AGBL4: variants seen among roughly 807,000 people sequenced by gnomAD.
The protein encoded by AGBL4 is cytosolic carboxypeptidase 6.
AGBL4 carries 58 observed loss-of-function variants against 66.4 expected under a neutral mutation model. That is an observed-to-expected ratio of 0.87 (90% CI 0.71 to 1.09). The LOEUF is 1.09. Among genes scored for constraint, AGBL4 ranks in the 50% least tolerant of loss-of-function variants. AGBL4 has a pLI of 0.00. For missense variants in AGBL4, 579 were observed against 631.0 expected, an observed-to-expected ratio of 0.92 and a Z score of 0.88; for synonymous variants, 234 against 222.9, an observed-to-expected ratio of 1.05 and a Z score of -0.44.
chr1:49,644,895 A>T (rs929276160), intron 3 of AGBL4, among the ~76,000 whole-genome samples: 1 of 151,534 alleles, frequency 6.6e-6, no homozygotes, highest in Non-Finnish European at 1.5e-5. Flanking sequence ...TCAATATAGG[A>T]TTTACATCAA....
chr1:49,921,261 A>C (rs557857253), intron 1 of AGBL4, among the ~76,000 whole-genome samples: 7 of 152,100 alleles, frequency 4.6e-5, no homozygotes, highest in Non-Finnish European at 1.0e-4. Context: ...AGAAAAAAAA[A>C]CAAACAAACA....
At chr1:48,866,251 C>A (rs900626899) in intron 6 of AGBL4, among the ~76,000 whole-genome samples, 1 of 152,124 alleles carries the variant, frequency 6.6e-6, no homozygotes, top group Non-Finnish European at 1.5e-5. Flanking sequence ...GAGGGAAGGG[C>A]TGACAGAGTT....
At chr1:49,604,109 G>A (rs1288805497) in intron 3 of AGBL4, among the ~76,000 whole-genome samples, 1 of 152,046 alleles carries the variant, frequency 6.6e-6, no homozygotes, top group East Asian at 1.9e-4. Flanking sequence ...GGAATTTCTG[G>A]ATCAAATGGT....
At chr1:49,501,849 T>G (rs1291158854) in intron 3 of AGBL4, among the ~76,000 whole-genome samples, 1 of 152,132 alleles carries the variant, frequency 6.6e-6, no homozygotes, top group Non-Finnish European at 1.5e-5. Context: ...ATGTCTCTTT[T>G]AATTTCTTTA....
intron 5 of AGBL4, among the ~76,000 whole-genome samples, chr1:48,968,795 C>T (rs1658661191): frequency 6.6e-6 from 1 of 152,136 alleles, no homozygotes; most frequent in African/African-American, 2.4e-5. Context: ...AAGCTTGCAA[C>T]ACCATCTTCC....
At chr1:49,380,045 A>G (rs1273401227) in intron 3 of AGBL4, among the ~76,000 whole-genome samples, 2 of 152,146 alleles carry the variant, frequency 1.3e-5, no homozygotes, top group East Asian at 3.9e-4. Context: ...CAATTAGGAA[A>G]AGAGGAAGTC....
chr1:48,756,116 G>A (rs1263447041), intron 6 of AGBL4, among the ~76,000 whole-genome samples: 2 of 152,274 alleles, frequency 1.3e-5, no homozygotes, highest in South Asian at 4.1e-4. Flanking sequence ...GTGTCACAAG[G>A]CTGTAATATT....
chr1:48,992,397 G>C (rs74657991), intron 5 of AGBL4, among the ~76,000 whole-genome samples: 2,393 of 152,068 alleles, frequency 0.016, 66 homozygotes, highest in African/African-American at 0.055. Context: ...TATCCCTGTG[G>C]CCACCACCAC....
At chr1:49,282,428 T>C (rs1644295216) in intron 3 of AGBL4, among the ~76,000 whole-genome samples, 1 of 152,104 alleles carries the variant, frequency 6.6e-6, no homozygotes, top group African/African-American at 2.4e-5. Flanking sequence ...AGATGATGGG[T>C]AGGTGGACTG....
At chr1:49,107,410 T>C (rs1228245053) in intron 4 of AGBL4, among the ~76,000 whole-genome samples, 1 of 152,188 alleles carries the variant, frequency 6.6e-6, no homozygotes, top group Non-Finnish European at 1.5e-5. Context: ...GGATGTAACA[T>C]CATTTTTAAG....
At chr1:48,651,400 T>C (rs1267897527) in intron 8 of AGBL4, among the ~76,000 whole-genome samples, 2 of 152,160 alleles carry the variant, frequency 1.3e-5, no homozygotes, top group Non-Finnish European at 2.9e-5. Flanking sequence ...AAGCTAGTCC[T>C]TCCCGAGACA....
intron 6 of AGBL4, among the ~76,000 whole-genome samples, chr1:48,764,720 T>TA (rs1341304247): frequency 2.6e-5 from 4 of 152,230 alleles, no homozygotes. Context: ...GGCAAGCTGC[T>TA]ACCTCACTGA....
chr1:48,584,044 C>A (rs184406060), intron 11 of AGBL4: 1 of 152,164 alleles, frequency 6.6e-6, no homozygotes. Context: ...CTCACCTTAA[C>A]CCCTTCCAAT....
chr1:49,573,715 G>A (rs1644379628), intron 3 of AGBL4, among the ~76,000 whole-genome samples: 1 of 152,102 alleles, frequency 6.6e-6, no homozygotes, highest in African/African-American at 2.4e-5. Context: ...TAATGTGAGT[G>A]GCTGGCCTGC....
At chr1:49,316,404 C>T (rs754361293) in intron 3 of AGBL4, among the ~76,000 whole-genome samples, 2 of 151,256 alleles carry the variant, frequency 1.3e-5, no homozygotes, top group East Asian at 1.9e-4. Flanking sequence ...CAATTTTTTC[C>T]GTAAATCAAA....
At chr1:49,362,768 G>A (rs1037719460) in intron 3 of AGBL4, among the ~76,000 whole-genome samples, 3 of 152,124 alleles carry the variant, frequency 2.0e-5, no homozygotes, top group African/African-American at 7.2e-5. Context: ...AGGTCCCAAA[G>A]GAATGTATCC....
chr1:49,623,850 G>C (rs1043896389), intron 3 of AGBL4, among the ~76,000 whole-genome samples: 3 of 152,208 alleles, frequency 2.0e-5, no homozygotes, highest in Non-Finnish European at 4.4e-5. Flanking sequence ...AAAAGAAAGA[G>C]CTTTGCCATG....
chr1:48,695,585 G>C (rs1007115530), intron 6 of AGBL4, among the ~76,000 whole-genome samples: 1 of 151,628 alleles, frequency 6.6e-6, no homozygotes, highest in Non-Finnish European at 1.5e-5. Context: ...GTTCTATTTC[G>C]GAATGGAAGG....
intron 10 of AGBL4, among the ~76,000 whole-genome samples, 161 bp from the exon 11 acceptor site, chr1:48,587,327 A>G (rs1644839133): frequency 6.6e-6 from 1 of 152,208 alleles, no homozygotes; most frequent in African/African-American, 2.4e-5. Context: ...AATAAACATA[A>G]TTAATGACAG....
Sources: allele counts gnomAD v4.1 joint callset (sites outside exome capture counted in the v4.1 genomes callset), GRCh38; gene constraint gnomAD v4.1.1; transcripts MANE v1.5; gene names NCBI Gene and HGNC (gene_info 2026-07-23, HGNC 2026-07-21).